The following CRACR2A variants were observed in gnomAD, a reference collection of about 807,000 sequenced individuals.
CRACR2A encodes EF-hand calcium-binding domain-containing protein 4B.
A neutral mutation model predicts 90.5 loss-of-function variants in CRACR2A; 79 were observed. The ratio of observed to expected loss-of-function variants is 0.87; its 90% CI spans 0.73 to 1.05. The LOEUF is 1.05. Ranked by LOEUF, CRACR2A falls within the 50% of genes least tolerant of loss-of-function variation. The pLI is 0.00. For synonymous variants in CRACR2A, 338 were observed against 356.7 expected, an observed-to-expected ratio of 0.95 and a Z score of 0.59; for missense variants, 823 against 897.2, an observed-to-expected ratio of 0.92 and a Z score of 1.06.
chr12:3,626,995 G>C (rs1944275494), intron 17 of CRACR2A, among the ~76,000 whole-genome samples: 4 of 152,162 alleles, frequency 2.6e-5, no homozygotes, highest in African/African-American at 9.7e-5. Context: ...GCAGGGCATA[G>C]CTGGGCCTAC....
intron 4 of CRACR2A, among the ~76,000 whole-genome samples, chr12:3,694,066 A>T (rs1161695782): frequency 6.6e-6 from 1 of 152,110 alleles, no homozygotes; most frequent in African/African-American, 2.4e-5. Flanking sequence ...GTCCCCGTGC[A>T]TGGTAGCCCC....
intron 4 of CRACR2A, among the ~76,000 whole-genome samples, chr12:3,684,396 T>C (rs746313587): frequency 2.0e-5 from 3 of 152,114 alleles, no homozygotes; most frequent in Non-Finnish European, 4.4e-5. Flanking sequence ...TTCTCAACCT[T>C]GGCACTACCG....
chr12:3,735,314 A>G (rs1032993864), intron 1 of CRACR2A, among the ~76,000 whole-genome samples: 2 of 152,162 alleles, frequency 1.3e-5, no homozygotes, highest in Non-Finnish European at 1.5e-5. Flanking sequence ...GGGTGCACGC[A>G]AGCCTGTGTG....
At chr12:3,621,067 A>G (rs1389019252) in intron 17 of CRACR2A, among the ~76,000 whole-genome samples, 1 of 152,226 alleles carries the variant, frequency 6.6e-6, no homozygotes, top group Admixed American at 6.5e-5. Context: ...AAATGGGCCA[A>G]GCGGCTTGCT....
chr12:3,740,311 G>A (rs943500068), intron 1 of CRACR2A, among the ~76,000 whole-genome samples: 2 of 151,986 alleles, frequency 1.3e-5, no homozygotes, highest in Admixed American at 1.3e-4. Context: ...ATTCTTTAGG[G>A]TCTCTGCCCA....
chr12:3,661,007 T>C (rs1216821186), intron 7 of CRACR2A, among the ~76,000 whole-genome samples: 2 of 152,114 alleles, frequency 1.3e-5, no homozygotes, highest in African/African-American at 4.8e-5. Context: ...ACTAGGAAGA[T>C]TTCTGAACTG....
At chr12:3,733,815 GA>G (rs1393115259) in intron 1 of CRACR2A, among the ~76,000 whole-genome samples, 1 of 150,104 alleles carries the variant, frequency 6.7e-6, no homozygotes, top group African/African-American at 2.5e-5. Flanking sequence ...GAGACCACAA[GA>G]CCACATTCTA....
At chr12:3,709,290 G>A (rs903151296) in intron 3 of CRACR2A, among the ~76,000 whole-genome samples, 2 of 152,146 alleles carry the variant, frequency 1.3e-5, no homozygotes, top group African/African-American at 4.8e-5. Flanking sequence ...AATGTTTAAG[G>A]AAATGAAAGT....
chr12:3,643,880 T>A (rs374723780), intron 12 of CRACR2A, among the ~76,000 whole-genome samples: 5 of 44,502 alleles, frequency 1.1e-4, no homozygotes, highest in East Asian at 2.2e-3. Flanking sequence ...TTATATATAT[T>A]TATATTAATA....
At chr12:3,704,424 A>G (rs1945883438) in intron 3 of CRACR2A, among the ~76,000 whole-genome samples, 1 of 152,192 alleles carries the variant, frequency 6.6e-6, no homozygotes, top group African/African-American at 2.4e-5. Flanking sequence ...GGGGGTGTGG[A>G]TATGTCTGCT....
At chr12:3,658,726 G>A (rs1368905378) in intron 8 of CRACR2A, among the ~76,000 whole-genome samples, 3 of 152,308 alleles carry the variant, frequency 2.0e-5, no homozygotes, top group South Asian at 2.1e-4. Context: ...AGTGCTGAGC[G>A]GCAAGGGAGG....
At chr12:3,693,006 G>T (rs998943331) in intron 4 of CRACR2A, among the ~76,000 whole-genome samples, 1 of 152,104 alleles carries the variant, frequency 6.6e-6, no homozygotes. Flanking sequence ...GCCCCCCAAC[G>T]CTCCAACTGC....
At position 3,713,267 on chromosome 12, in the gene CRACR2A, C is replaced by T. The variant is rs1946033317; in HGVS notation, c.-67G>A. 1.0e-6 allele frequency: 1 copy of T among 985,274 alleles called. No homozygotes were observed. The highest frequency in any genetic ancestry group is 1.2e-6 in the Non-Finnish European group (1 of 829,972). The allele number at this position is 985,274 out of a possible 1,614,324, so 61.0% of individuals were successfully genotyped here. ...AGCTCCCGGCTCCTCGGAGGACCTG[C>T]AACTCTTCACACCTGGAGGGTACTT... On this transcript the variant is annotated 5_prime_UTR_variant, in exon 3 of 20. Transcript: ENST00000440314.
At chr12:3,721,174 C>T (rs772851635) in intron 2 of CRACR2A, among the ~76,000 whole-genome samples, 20 of 152,106 alleles carry the variant, frequency 1.3e-4, no homozygotes, top group South Asian at 2.1e-4. Flanking sequence ...ATTCACCTAG[C>T]GGCTCTATTC....
At chr12:3,718,619 G>T (rs1182139144) in intron 2 of CRACR2A, among the ~76,000 whole-genome samples, 1 of 152,238 alleles carries the variant, frequency 6.6e-6, no homozygotes, top group East Asian at 1.9e-4. Context: ...TTTTTAGAGT[G>T]ACTGCATGCT....
intron 4 of CRACR2A, among the ~76,000 whole-genome samples, chr12:3,687,721 G>T (rs1945586160): frequency 1.3e-5 from 2 of 152,226 alleles, no homozygotes; most frequent in Non-Finnish European, 2.9e-5. Flanking sequence ...TAATGGGATT[G>T]CTGGGTCCAT....
Position 3,640,466 on chromosome 12 carries a change from C to T in CRACR2A, c.1271+1266G>A, listed in dbSNP as rs1391878077. The T allele has an allele frequency of 5.2e-6, 6 of 1,159,140 alleles. No individual in the cohort carries two copies. In the African/African-American group the frequency reaches 9.7e-5, roughly 19 times the overall value. The allele number at this position is 1,159,140 out of a possible 1,614,324, so 71.8% of individuals were successfully genotyped here. ...ATTTATTTTTGGAGGCTTTACAGAA[C>T]TCAAAAGAATGTCTGGTACACAGTA... On this transcript the variant is annotated intron_variant, in intron 13 of 19. Transcript: ENST00000440314.
intron 2 of CRACR2A, chr12:3,730,237 C>T (rs1047498191): frequency 2.0e-4 from 30 of 152,188 alleles, no homozygotes; most frequent in African/African-American, 6.5e-4. Flanking sequence ...GAGTGATTTC[C>T]CTTCCTCCTT....
chr12:3,703,525 G>A (rs1451306323), intron 3 of CRACR2A, among the ~76,000 whole-genome samples: 1 of 152,156 alleles, frequency 6.6e-6, no homozygotes, highest in Non-Finnish European at 1.5e-5. Flanking sequence ...AAAGTTTCTT[G>A]GGTATAACAA....
Sources: gnomAD v4.1 joint callset for allele counts (sites outside exome capture counted in the v4.1 genomes callset) on GRCh38, gnomAD v4.1.1 for gene constraint, MANE v1.5 for transcripts, NCBI Gene and HGNC (gene_info 2026-07-23, HGNC 2026-07-21) for gene names.